The following ARL15 variants were observed in gnomAD, a reference collection of about 807,000 sequenced individuals.
The protein encoded by ARL15 is ARF like GTPase 15, also known as ADP-ribosylation factor-like protein 15.
ARL15 carries 19 observed loss-of-function variants against 25.2 expected under a neutral mutation model. The observed-to-expected ratio is 0.75, with a 90% CI of 0.53 to 1.10. The LOEUF is 1.10. Among genes scored for constraint, ARL15 ranks in the 50% least tolerant of loss-of-function variants. The pLI is 0.00. For synonymous variants in ARL15, 94 were observed against 86.8 expected (o/e 1.08, Z -0.46); for missense variants, 220 against 246.0 (o/e 0.89, Z 0.71).
chr5:54,044,289 G>A (rs1028022507), intron 4 of ARL15, among the ~76,000 whole-genome samples: 20 of 148,060 alleles, frequency 1.4e-4, no homozygotes, highest in Admixed American at 4.8e-4. Flanking sequence ...TGTCGCCCAG[G>A]CTGGAGTGCA....
intron 4 of ARL15, among the ~76,000 whole-genome samples, chr5:54,021,184 A>C (rs1749589365): frequency 6.6e-6 from 1 of 151,750 alleles, no homozygotes; most frequent in Non-Finnish European, 1.5e-5. Flanking sequence ...AAAAATACAA[A>C]ATTAGCTGGG....
rs775365740 is a variant in ARL15, at chr5:54,058,545, A to G, written c.462+54657T>C. Among the ~76,000 whole-genome samples the G allele has an allele frequency of 4.6e-5, 7 of 152,232 alleles. No individual in the cohort carries two copies. The South Asian group carries it at 1.4e-3, about 31-fold the overall frequency. On this transcript the variant is annotated intron_variant, in intron 4 of 4. Transcript: ENST00000504924. ...TGAATATGTAATATGTGAGAAGGAA[A>G]TACGTGCTATGAAGAAAGTCTTGAA...
At chr5:53,964,413 G>C (rs990605510) in intron 4 of ARL15, among the ~76,000 whole-genome samples, 2 of 152,070 alleles carry the variant, frequency 1.3e-5, no homozygotes, top group Non-Finnish European at 2.9e-5. Context: ...ATGCTGGAGT[G>C]CAGTGGCGTG....
chr5:53,969,494 C>T (rs1026807984), intron 4 of ARL15, among the ~76,000 whole-genome samples: 2 of 152,158 alleles, frequency 1.3e-5, no homozygotes, highest in African/African-American at 2.4e-5. Flanking sequence ...ACAGTGACTT[C>T]AGCACATTTT....
intron 3 of ARL15, among the ~76,000 whole-genome samples, chr5:54,148,696 G>A (rs944481890): frequency 6.6e-5 from 10 of 152,114 alleles, no homozygotes; most frequent in African/African-American, 2.4e-4. Context: ...AGAGAACATT[G>A]GGTAAGGATG....
At chr5:54,270,896 C>T (rs549083452) in intron 1 of ARL15, among the ~76,000 whole-genome samples, 21 of 152,218 alleles carry the variant, frequency 1.4e-4, no homozygotes, top group Admixed American at 4.6e-4. Flanking sequence ...GAAGATCCAC[C>T]CTCAATGTGG....
chr5:54,168,161 T>TGAATGTG (rs1209751210), intron 2 of ARL15, among the ~76,000 whole-genome samples: 1 of 152,212 alleles, frequency 6.6e-6, no homozygotes, highest in African/African-American at 2.4e-5. Flanking sequence ...AGACATTCAA[T>TGAATGTG]GAATGTGGAA....
At chr5:53,932,029 T>C (rs1426862478) in intron 4 of ARL15, among the ~76,000 whole-genome samples, 1 of 152,252 alleles carries the variant, frequency 6.6e-6, no homozygotes, top group Non-Finnish European at 1.5e-5. Flanking sequence ...TTATTTTACA[T>C]AATGCACGGT....
At chr5:53,964,470 C>T (rs1209914601) in intron 4 of ARL15, among the ~76,000 whole-genome samples, 1 of 152,160 alleles carries the variant, frequency 6.6e-6, no homozygotes, top group Non-Finnish European at 1.5e-5. Flanking sequence ...CGCCATTCTC[C>T]TGCCTCAGCC....
intron 4 of ARL15, among the ~76,000 whole-genome samples, chr5:54,025,053 A>G (rs1749742855): frequency 1.3e-5 from 2 of 152,138 alleles, no homozygotes; most frequent in Admixed American, 6.6e-5. Flanking sequence ...CACTTTTACT[A>G]AAACCAATAA....
At chr5:53,908,508 C>A (rs2111969446) in intron 4 of ARL15, among the ~76,000 whole-genome samples, 2 of 152,198 alleles carry the variant, frequency 1.3e-5, no homozygotes, top group Middle Eastern at 6.8e-3. Context: ...AAATACTACA[C>A]CATTTTCTTT....
intron 1 of ARL15, among the ~76,000 whole-genome samples, chr5:54,262,404 C>T (rs1222527491): frequency 3.3e-5 from 5 of 152,238 alleles, no homozygotes; most frequent in South Asian, 2.1e-4. Context: ...TGAATCAGAA[C>T]GTGCCTTTGT....
intron 3 of ARL15, among the ~76,000 whole-genome samples, chr5:54,129,071 T>G (rs763671683): frequency 1.9e-4 from 29 of 152,260 alleles, no homozygotes; most frequent in African/African-American, 7.0e-4. Flanking sequence ...TAAGTAAATT[T>G]TATTACCATC....
intron 4 of ARL15, among the ~76,000 whole-genome samples, chr5:54,033,602 G>A (rs1222166225): frequency 6.6e-6 from 1 of 151,368 alleles, no homozygotes; most frequent in East Asian, 1.9e-4. Context: ...AACCTGGGAG[G>A]TGGAGGTTGC....
intron 4 of ARL15, among the ~76,000 whole-genome samples, chr5:54,026,021 T>G (rs1445655757): frequency 6.6e-6 from 1 of 152,174 alleles, no homozygotes; most frequent in African/African-American, 2.4e-5. Context: ...AAATACATTT[T>G]TAGTACCAAG....
intron 4 of ARL15, among the ~76,000 whole-genome samples, chr5:53,913,772 T>G (rs1337750920): frequency 6.6e-6 from 1 of 152,158 alleles, no homozygotes; most frequent in Non-Finnish European, 1.5e-5. Flanking sequence ...AAATGCTACT[T>G]CTCAATCTCT....
intron 4 of ARL15, among the ~76,000 whole-genome samples, chr5:54,044,930 C>T (rs1392305061): frequency 6.6e-6 from 1 of 152,116 alleles, no homozygotes; most frequent in African/African-American, 2.4e-5. Context: ...TTTTAAAATG[C>T]ACCTCTCTGG....
At chr5:53,889,141 A>C (rs974774419) in intron 4 of ARL15, among the ~76,000 whole-genome samples, 1 of 151,930 alleles carries the variant, frequency 6.6e-6, no homozygotes, top group Non-Finnish European at 1.5e-5. Flanking sequence ...AATAATAAAT[A>C]ATAATAATAA....
intron 1 of ARL15, among the ~76,000 whole-genome samples, chr5:54,278,553 C>A (rs1757977556): frequency 6.6e-6 from 1 of 152,192 alleles, no homozygotes; most frequent in Non-Finnish European, 1.5e-5. Context: ...GTGCTGTACT[C>A]ATAGGAAGTG....
Sources: allele counts gnomAD v4.1 joint callset (sites outside exome capture counted in the v4.1 genomes callset), GRCh38; gene constraint gnomAD v4.1.1; transcripts MANE v1.5; gene names NCBI Gene and HGNC (gene_info 2026-07-23, HGNC 2026-07-21).